FRMD3: variants seen among roughly 807,000 people sequenced by gnomAD.
The protein encoded by FRMD3 is FERM domain containing 3.
A neutral mutation model predicts 70.2 loss-of-function variants in FRMD3; 33 were observed. The observed-to-expected ratio is 0.47, with a 90% CI of 0.36 to 0.63. FRMD3 has a LOEUF of 0.63. FRMD3 is among the 20% of genes least tolerant of loss of function. FRMD3 has a pLI of 0.00. For missense variants in FRMD3, 632 were observed against 711.4 expected (o/e 0.89, Z 1.27); for synonymous variants, 279 against 255.9 (o/e 1.09, Z -0.86).
At chr9:83,296,202 A>T (rs1050234605) in intron 12 of FRMD3, among the ~76,000 whole-genome samples, 1 of 152,230 alleles carries the variant, frequency 6.6e-6, no homozygotes, top group African/African-American at 2.4e-5. Flanking sequence ...TCCAAGAGGA[A>T]CAATTTTCTA....
At chr9:83,323,620 A>G (rs1835895640) in intron 6 of FRMD3, among the ~76,000 whole-genome samples, 1 of 152,206 alleles carries the variant, frequency 6.6e-6, no homozygotes, top group Admixed American at 6.5e-5. Flanking sequence ...GGCCCTCACC[A>G]GATGCAGTCC....
chr9:83,566,106 G>A, the FRMD3 span, among the ~76,000 whole-genome samples: 2 of 152,178 alleles, frequency 1.3e-5, no homozygotes, highest in Non-Finnish European at 2.9e-5. Context: ...AGACTGAGAA[G>A]AAAAAGAAGT....
At chr9:83,342,043 A>ATCTCTG (rs1823774540) in intron 5 of FRMD3, among the ~76,000 whole-genome samples, 1 of 139,654 alleles carries the variant, frequency 7.2e-6, no homozygotes, top group East Asian at 2.1e-4. Flanking sequence ...TGACATAGTC[A>ATCTCTG]TCTCTCTCTC....
At chr9:83,459,649 C>T (rs1827915484) in intron 1 of FRMD3, among the ~76,000 whole-genome samples, 1 of 152,334 alleles carries the variant, frequency 6.6e-6, no homozygotes, top group South Asian at 2.1e-4. Context: ...CCCTGGCCTC[C>T]TGGCCTCAGG....
chr9:83,425,540 G>A (rs1826777475), intron 1 of FRMD3, among the ~76,000 whole-genome samples: 5 of 152,150 alleles, frequency 3.3e-5, no homozygotes, highest in Admixed American at 3.3e-4. Flanking sequence ...TGATGTTAGG[G>A]AGTTGGATTT....
intron 6 of FRMD3, 139 bp from the exon 7 acceptor site, chr9:83,313,886 T>C: frequency 1.6e-6 from 1 of 625,574 alleles, no homozygotes; most frequent in East Asian, 2.8e-5. Context: ...GTAAGACTGA[T>C]CATTATTTCT....
intron 1 of FRMD3, among the ~76,000 whole-genome samples, chr9:83,531,823 T>C (rs1829797245): frequency 1.3e-5 from 2 of 152,226 alleles, no homozygotes; most frequent in Non-Finnish European, 1.5e-5. Context: ...ATTTACAACA[T>C]GCTTTTACAT....
the FRMD3 span, among the ~76,000 whole-genome samples, chr9:83,545,661 A>G: frequency 6.6e-6 from 1 of 152,056 alleles, no homozygotes. Flanking sequence ...CCGGCCGAGA[A>G]AATAATTTTT....
rs1832134080 is a variant in FRMD3, at chr9:83,246,918, C to T, written c.*1000G>A. The T allele has an allele frequency of 1.0e-6, 1 of 985,412 alleles. No homozygotes were observed. Among genetic ancestry groups the T allele is most frequent in the Non-Finnish European group, 1.2e-6 (1 of 829,938 alleles). 61.0% of individuals were successfully genotyped at this position (985,412 alleles called of 1,614,324 possible). Reference sequence around the variant, plus strand: ...TGTCACCATTTGCCTGCCAGCCTCACCAGAACTCATTTTTGCCACTTTCCA... The same window carrying T: ...TGTCACCATTTGCCTGCCAGCCTCATCAGAACTCATTTTTGCCACTTTCCA... On this transcript the variant is annotated 3_prime_UTR_variant, in exon 14 of 14. Transcript: ENST00000304195.
At chr9:83,511,904 C>A (rs1829347033) in intron 1 of FRMD3, among the ~76,000 whole-genome samples, 1 of 152,170 alleles carries the variant, frequency 6.6e-6, no homozygotes, top group African/African-American at 2.4e-5. Context: ...AATGCAGAAA[C>A]CTGCTTCTTT....
intron 1 of FRMD3, among the ~76,000 whole-genome samples, chr9:83,486,523 T>C (rs1828694000): frequency 6.6e-6 from 1 of 152,128 alleles, no homozygotes. Flanking sequence ...GAACTTAAGA[T>C]AGATCAAAGA....
rs552220379 is a variant in FRMD3, at chr9:83,346,498, C to A, written c.374+3181G>T. On this transcript the variant is annotated intron_variant, in intron 4 of 13. Coordinates refer to ENST00000304195, the MANE Select transcript of FRMD3 (RefSeq NM_174938.6). ...TATGAAACAACCAGAATGGACAAAT[C>A]TATAGAGACAGAAAACAGATAAGTG... Among the ~76,000 whole-genome samples, 341 of 152,216 alleles carry A rather than the reference C, an allele frequency of 2.2e-3. 3 individuals are homozygous for A. The highest frequency in any genetic ancestry group is 7.9e-3 in the African/African-American group (326 of 41,520).
chr9:83,476,750 G>A (rs55730336), intron 1 of FRMD3, among the ~76,000 whole-genome samples: 17,853 of 152,190 alleles, frequency 0.12, 1,430 homozygotes, highest in African/African-American at 0.23. Context: ...AACATAACAT[G>A]GGTCTCCTGG....
At chr9:83,366,304 C>T (rs1824783552) in intron 3 of FRMD3, among the ~76,000 whole-genome samples, 1 of 152,180 alleles carries the variant, frequency 6.6e-6, no homozygotes, top group Non-Finnish European at 1.5e-5. Context: ...GGTGCTGTGG[C>T]TCTCGCCTGT....
At chr9:83,571,094 A>T in the FRMD3 span, among the ~76,000 whole-genome samples, 12 of 152,298 alleles carry the variant, frequency 7.9e-5, no homozygotes, top group African/African-American at 2.9e-4. Flanking sequence ...CTTCATGGAC[A>T]GATTAATGTT....
At chr9:83,343,808 A>G (rs1823860063) in intron 4 of FRMD3, among the ~76,000 whole-genome samples, 1 of 152,202 alleles carries the variant, frequency 6.6e-6, no homozygotes, top group Admixed American at 6.5e-5. Context: ...CTGATTCACA[A>G]CTAGAGCTGT....
chr9:83,313,329 C>G (rs12378433), intron 7 of FRMD3, among the ~76,000 whole-genome samples: 27,485 of 152,176 alleles, frequency 0.18, 2,576 homozygotes, highest in African/African-American at 0.22. Context: ...TTTAAAGACT[C>G]CATTCTTGCT....
At chr9:83,394,688 G>A (rs1234093836) in intron 1 of FRMD3, among the ~76,000 whole-genome samples, 2 of 152,170 alleles carry the variant, frequency 1.3e-5, no homozygotes, top group Non-Finnish European at 2.9e-5. Context: ...TGTCAGGAGA[G>A]CTTATCATTC....
At chr9:83,564,012 T>C in the FRMD3 span, among the ~76,000 whole-genome samples, 1 of 152,146 alleles carries the variant, frequency 6.6e-6, no homozygotes, top group Non-Finnish European at 1.5e-5. Context: ...GGGCCCTTCC[T>C]TCATCTGTAT....
Sources: gnomAD v4.1 joint callset for allele counts (sites outside exome capture counted in the v4.1 genomes callset) on GRCh38, gnomAD v4.1.1 for gene constraint, MANE v1.5 for transcripts, NCBI Gene and HGNC (gene_info 2026-07-23, HGNC 2026-07-21) for gene names.